The following ERCC5 variants were observed in gnomAD, a reference collection of about 807,000 sequenced individuals.
The protein encoded by ERCC5 is DNA excision repair protein ERCC-5.
In ERCC5, 68 loss-of-function variants were observed where a neutral mutation model predicts 105.6. The ratio of observed to expected loss-of-function variants is 0.64; its 90% confidence interval spans 0.53 to 0.79. The LOEUF (loss-of-function observed/expected upper bound fraction) is 0.79, where lower values mean the gene tolerates loss of function less well. ERCC5 is among the 30% of genes least tolerant of loss of function. ERCC5 has a pLI of 0.00. For synonymous variants in ERCC5, 546 were observed against 526.2 expected (o/e 1.04, Z -0.51); for missense variants, 1,373 against 1,426.7 (o/e 0.96, Z 0.61).
At chr13:102,871,707 A>G (rs1447162929) in intron 12 of ERCC5, among the ~76,000 whole-genome samples, 12 of 152,120 alleles carry the variant, frequency 7.9e-5, no homozygotes. Context: ...TTTTCTTGGC[A>G]TATTTACATT....
In ERCC5 at chr13:102,865,801, T is replaced by TC; in HGVS notation, c.2091dup (p.Glu698ArgfsTer9). On this transcript the variant is annotated frameshift_variant, in exon 9 of 15. Coordinates refer to ENST00000652225, the MANE Select transcript of ERCC5 (RefSeq NM_000123.4). LOFTEE classifies it high-confidence loss of function. This position sits in a 1 kb window ranked among gnomAD's most constrained non-coding sequence, Gnocchi z 4.0. Reference sequence around the variant, plus strand: ...TAGGGAGGGAGAAGCCCCTGCTGAGTCCGAGAGCCTCCTGAGGGACAACTC... The same window carrying TC: ...TAGGGAGGGAGAAGCCCCTGCTGAGTCCCGAGAGCCTCCTGAGGGACAACTC... 1 of 1,614,098 alleles carries TC rather than the reference T, an allele frequency of 6.2e-7. No homozygotes were observed. Among genetic ancestry groups the TC allele is most frequent in the Non-Finnish European group, 8.5e-7 (1 of 1,180,024 alleles).
rs1184320885 is a variant in ERCC5, at chr13:102,862,826, T to A, written c.1677T>A (p.Ser559=). 2 of 1,614,258 alleles carry A rather than the reference T, an allele frequency of 1.2e-6. No homozygotes were observed. Among genetic ancestry groups the A allele is most frequent in the Non-Finnish European group, 1.7e-6 (2 of 1,180,044 alleles). The change falls in exon 8 of 15, where the codon TCT becomes TCA. Residue 559 remains serine, a synonymous_variant. Transcript: ENST00000652225. The stretch of plus-strand genomic sequence containing the variant: ...CATATGAGAGTAAATTCGATTCTTC[T>A]CTTCTTTCAAGTGATGATGAAACAA... The part of the protein sequence containing the change: ...LCPYESKFDS[S]LLSSDDETKC...
rs371480163 is a variant in ERCC5, at chr13:102,865,934, C to G, written c.2199+23C>G. 3 of 1,613,876 alleles carry G rather than the reference C, an allele frequency of 1.9e-6. No individual in the cohort carries two copies. Among genetic ancestry groups the G allele is most frequent in the Non-Finnish European group, 2.5e-6 (3 of 1,180,002 alleles). ...TTGGTAATACCGTAACATTGTGTTT[C>G]GACTTCTTGCTGAGGAAGCCAGGTT... On this transcript the variant is annotated intron_variant, in intron 9 of 14. Coordinates refer to ENST00000652225, the MANE Select transcript of ERCC5 (RefSeq NM_000123.4). This position sits in a 1 kb window ranked among gnomAD's most constrained non-coding sequence, Gnocchi z 4.0.
intron 1 of ERCC5, among the ~76,000 whole-genome samples, chr13:102,850,695 A>G (rs1882169610): frequency 1.3e-5 from 2 of 152,190 alleles, no homozygotes; most frequent in Non-Finnish European, 2.9e-5. Context: ...AGTGGAGAAG[A>G]CATGGAGTTC....
chr13:102,866,253 A>G lies in ERCC5; in HGVS notation c.2200-9A>G, dbSNP rs1882831558. On this transcript the variant is annotated splice_polypyrimidine_tract_variant and intron_variant, in intron 9 of 14. Transcript: ENST00000652225. The stretch of plus-strand genomic sequence containing the variant: ...AATATAAATCTATAAATGAAAAAAC[A>G]TTTTATAGGAGGAGTTGGAAACTCT... 3 of 1,613,840 alleles carry G rather than the reference A, an allele frequency of 1.9e-6. No individual in the cohort carries two copies. Among genetic ancestry groups the G allele is most frequent in the African/African-American group, 2.7e-5 (2 of 74,886 alleles).
At chr13:102,874,246 A>G (rs1306829075) in intron 14 of ERCC5, among the ~76,000 whole-genome samples, 1 of 152,156 alleles carries the variant, frequency 6.6e-6, no homozygotes, top group Non-Finnish European at 1.5e-5. Context: ...AAAACTACTC[A>G]TTAGTTACCT....
chr13:102,858,305 G>A lies in ERCC5; in HGVS notation c.559G>A (p.Asp187Asn), dbSNP rs1467219694. Residue 187 changes from aspartate (D) to asparagine (N), a missense_variant, in exon 6 of 15, where the codon GAT (aspartate) becomes AAT (asparagine). Around this residue, in one of 3 missense-constraint regions of ERCC5, gnomAD observed 1,004 missense variants for 1,059.7 expected, o/e 0.95. Coordinates refer to ENST00000652225, the MANE Select transcript of ERCC5 (RefSeq NM_000123.4). ...GTTCTTTCATAATCCTCAAGCGATA[G>A]ATATTGAGTCTGAGGACTTCAGCAG... The part of the protein sequence containing the change: ...EEFFHNPQAI[D>N]IESEDFSSLP... 6.2e-7 allele frequency: 1 copy of A among 1,614,100 alleles called. No individual in the cohort carries two copies. Among genetic ancestry groups the A allele is most frequent in the Non-Finnish European group, 8.5e-7 (1 of 1,180,008 alleles).
intron 12 of ERCC5, among the ~76,000 whole-genome samples, chr13:102,870,050 G>T (rs545730088): frequency 6.6e-6 from 1 of 152,336 alleles, no homozygotes; most frequent in African/African-American, 2.4e-5. Context: ...GTAAAGAGCA[G>T]GAAGGATGGT....
chr13:102,866,916 T>C, intron 11 of ERCC5, 71 bp downstream of exon 11: 1 of 1,519,440 alleles, frequency 6.6e-7, no homozygotes, highest in Non-Finnish European at 8.9e-7. Flanking sequence ...AAGTTTTCTT[T>C]CCAAGGAACT....
At chr13:102,855,863 G>C (rs926872239) in intron 4 of ERCC5, among the ~76,000 whole-genome samples, 189 bp from the exon 5 acceptor site, 1 of 152,164 alleles carries the variant, frequency 6.6e-6, no homozygotes, top group Non-Finnish European at 1.5e-5. Context: ...TGTGGTGGAA[G>C]TTATTAGATC....
chr13:102,852,810 C>T (rs191064542), intron 2 of ERCC5, among the ~76,000 whole-genome samples: 22 of 152,292 alleles, frequency 1.4e-4, no homozygotes, highest in Admixed American at 1.4e-3. Flanking sequence ...TGAGTTGCTG[C>T]TTTATTGTTC....
At chr13:102,856,608 A>G (rs1281186851) in intron 5 of ERCC5, among the ~76,000 whole-genome samples, 1 of 152,148 alleles carries the variant, frequency 6.6e-6, no homozygotes, top group Non-Finnish European at 1.5e-5. Context: ...TTAAAACATC[A>G]TTTGTTATCG....
At chr13:102,875,236 T>C in intron 14 of ERCC5, 71 bp from the exon 15 acceptor site, 2 of 1,524,688 alleles carry the variant, frequency 1.3e-6, no homozygotes, top group Non-Finnish European at 9.0e-7. Context: ...AAGGTTGAGC[T>C]TGTTGATTTG....
Position 102,865,558 on chromosome 13 carries a change from C to T in ERCC5, c.1955-109C>T. 6.9e-7 allele frequency: 1 copy of T among 1,442,230 alleles called. No homozygotes were observed. The highest frequency in any genetic ancestry group is 1.2e-5 in the South Asian group (1 of 82,210). The allele number at this position is 1,442,230 out of a possible 1,614,324, so 89.3% of individuals were successfully genotyped here. A position where few individuals can be genotyped will look rare whatever the true frequency, so the allele number is the denominator to read the frequency against. On this transcript the variant is annotated intron_variant, in intron 8 of 14. Transcript: ENST00000652225. The surrounding 1 kb of genome is among the most constrained non-coding windows in gnomAD (Gnocchi z 4.0). Reference sequence around the variant, plus strand: ...TGTATTCTGTTATAGTCATATCTTTCCTTTTTAGGATGTAGCATTTTTCAG... The same window carrying T: ...TGTATTCTGTTATAGTCATATCTTTTCTTTTTAGGATGTAGCATTTTTCAG...
At chr13:102,852,368 A>G in intron 2 of ERCC5, 75 bp downstream of exon 2, 2 of 1,569,262 alleles carry the variant, frequency 1.3e-6, no homozygotes, top group Non-Finnish European at 1.7e-6. Context: ...TTCACATAAA[A>G]TTTTTGTTTT....
intron 12 of ERCC5, 72 bp from the exon 13 acceptor site, chr13:102,872,126 A>T: frequency 6.5e-7 from 1 of 1,535,310 alleles, no homozygotes; most frequent in Non-Finnish European, 8.9e-7. Flanking sequence ...TTCTAAGTTT[A>T]GTTCTTCATC....
intron 1 of ERCC5, among the ~76,000 whole-genome samples, chr13:102,851,043 A>G (rs930579508): frequency 6.6e-6 from 1 of 152,188 alleles, no homozygotes; most frequent in Non-Finnish European, 1.5e-5. Flanking sequence ...AAATATAAGA[A>G]AACTTCAAGA....
Position 102,865,544 on chromosome 13 carries a change from A to G in ERCC5, c.1955-123A>G. 1 of 1,321,262 alleles carries G rather than the reference A, an allele frequency of 7.6e-7. No individual in the cohort carries two copies. 81.8% of individuals were successfully genotyped at this position (1,321,262 alleles called of 1,614,324 possible). ...ACGCTACTATTACATGTATTCTGTT[A>G]TAGTCATATCTTTCCTTTTTAGGAT... On this transcript the variant is annotated intron_variant, in intron 8 of 14. Transcript: ENST00000652225. The surrounding 1 kb of genome is among the most constrained non-coding windows in gnomAD (Gnocchi z 4.0).
chr13:102,857,695 T>G (rs1461525185), intron 5 of ERCC5, among the ~76,000 whole-genome samples: 3 of 152,226 alleles, frequency 2.0e-5, no homozygotes, highest in Non-Finnish European at 4.4e-5. Flanking sequence ...ATGATATATA[T>G]TGCTTGAATT....
Sources: allele counts gnomAD v4.1 joint callset (sites outside exome capture counted in the v4.1 genomes callset), GRCh38; gene constraint gnomAD v4.1.1; regional missense constraint gnomAD v4.1.1; non-coding constraint Gnocchi (gnomAD v3.1); transcripts MANE v1.5; gene names NCBI Gene and HGNC (gene_info 2026-07-23, HGNC 2026-07-21).